Variants in CCDC178 observed in about 807,000 individuals in gnomAD.
CCDC178 encodes the protein coiled-coil domain containing 178.
In CCDC178, 126 loss-of-function variants were observed where a neutral mutation model predicts 117.4. The ratio of observed to expected loss-of-function variants is 1.07; its 90% confidence interval spans 0.93 to 1.24. The LOEUF (loss-of-function observed/expected upper bound fraction) is 1.24. Ranked by LOEUF, CCDC178 falls within the 50% of genes most tolerant of loss-of-function variation. The probability of loss-of-function intolerance (pLI) is 0.00; values close to 1 mark genes in which losing one functional copy is unlikely to be tolerated. For synonymous variants in CCDC178, 283 were observed against 313.4 expected, an observed-to-expected ratio of 0.90 and a Z score of 1.02; for missense variants, 1,030 against 986.9, an observed-to-expected ratio of 1.04 and a Z score of -0.59.
chr18:33,060,776 G>A (rs2056908715), intron 21 of CCDC178, among the ~76,000 whole-genome samples: 1 of 151,986 alleles, frequency 6.6e-6, no homozygotes, highest in African/African-American at 2.4e-5. Flanking sequence ...TAGAAAAATG[G>A]AATATTTCTC....
chr18:32,974,551 A>C lies in CCDC178; in HGVS notation c.2519T>G (p.Val840Gly). 6.2e-7 allele frequency: 1 copy of C among 1,613,400 alleles called. No homozygotes were observed. Among genetic ancestry groups the C allele is most frequent in the Non-Finnish European group, 8.5e-7 (1 of 1,179,702 alleles). ...TACTTCCCTGCAATCACCTACCTGC[A>C]CAGCTAATATTTTCTGAATACTCTC... ...SQESIQKILA[V>G]QEESSNLMQH... The change falls in exon 22 of 23, where the codon GTG (valine) becomes GGG (glycine). Residue 840 changes from valine (V) to glycine (G), a missense_variant. Val to Gly is a moderately radical substitution (Grantham distance 109, BLOSUM62 -3). Transcript: ENST00000383096.
rs976126381 is a variant in CCDC178 at position 33,011,786 on chromosome 18, A to T, written c.2389-37105T>A. Among the ~76,000 whole-genome samples the T allele has an allele frequency of 3.2e-3, 377 of 116,044 alleles. 2 individuals are homozygous for T. The highest frequency in any genetic ancestry group is 0.011 in the African/African-American group (294 of 27,414). The allele number at this position is 116,044 out of a possible 152,430, so 76.1% of individuals were successfully genotyped here. ...AGAATGCAAAAAAAAAAAAAAAAAAAAAAAAAAAAAAAAAAAAAAAAAGGA... is the reference window on the plus strand; with the variant it reads ...AGAATGCAAAAAAAAAAAAAAAAAATAAAAAAAAAAAAAAAAAAAAAAGGA... On this transcript the variant is annotated intron_variant, in intron 21 of 22. Transcript: ENST00000383096.
chr18:33,082,616 T>C (rs1598862870), intron 21 of CCDC178, among the ~76,000 whole-genome samples: 1 of 152,164 alleles, frequency 6.6e-6, no homozygotes, highest in African/African-American at 2.4e-5. Context: ...GATGTAAGAA[T>C]CCTTTGAAAA....
At chr18:33,411,145 G>A (rs899627084) in intron 3 of CCDC178, among the ~76,000 whole-genome samples, 35 of 152,186 alleles carry the variant, frequency 2.3e-4, no homozygotes, top group African/African-American at 7.2e-4. Context: ...GAATGTTCAT[G>A]ATGCTGTATG....
chr18:33,227,548 GTGTGTGTGTA>G lies in CCDC178; in HGVS notation c.1594-703_1594-694del, dbSNP rs1361390239. Among the ~76,000 whole-genome samples, 519 of 89,284 alleles carry G rather than the reference GTGTGTGTGTA, an allele frequency of 5.8e-3. 6 individuals are homozygous for G. Among genetic ancestry groups the G allele is most frequent in the Admixed American group, 0.028 (186 of 6,680 alleles). 58.6% of individuals were successfully genotyped at this position (89,284 alleles called of 152,430 possible). A position where few individuals can be genotyped will look rare whatever the true frequency, so the allele number is the denominator to read the frequency against. ...GATATATGTATGTGTGTGTGTGTGT[GTGTGTGTGTA>G]TATATATATATATATATATATACAC... is the stretch of plus-strand genomic sequence containing the variant. On this transcript the variant is annotated intron_variant, in intron 15 of 22. Transcript: ENST00000383096.
intron 20 of CCDC178, among the ~76,000 whole-genome samples, chr18:33,207,372 C>T (rs141935803): frequency 1.1e-4 from 16 of 151,720 alleles, no homozygotes; most frequent in African/African-American, 1.9e-4. Context: ...AGCCAATTAA[C>T]GTATATTTAA....
intron 2 of CCDC178, among the ~76,000 whole-genome samples, chr18:33,419,199 C>T (rs112223631): frequency 3.3e-5 from 5 of 152,256 alleles, no homozygotes; most frequent in African/African-American, 1.2e-4. Flanking sequence ...AAAGGACACC[C>T]TCTTCAATAA....
At chr18:33,144,617 T>A (rs1261438558) in intron 20 of CCDC178, among the ~76,000 whole-genome samples, 6 of 152,156 alleles carry the variant, frequency 3.9e-5, no homozygotes, top group Non-Finnish European at 5.9e-5. Flanking sequence ...CCCTTCATAA[T>A]CTCCGTTCCT....
chr18:33,263,196 T>C (rs969714873), intron 14 of CCDC178, among the ~76,000 whole-genome samples: 1 of 152,236 alleles, frequency 6.6e-6, no homozygotes, highest in South Asian at 2.1e-4. Context: ...GCTCATGTAC[T>C]GCATAGCCTC....
At chr18:33,019,604 T>G (rs1314757348) in intron 21 of CCDC178, among the ~76,000 whole-genome samples, 1 of 152,142 alleles carries the variant, frequency 6.6e-6, no homozygotes, top group East Asian at 1.9e-4. Context: ...TATTGAGCTC[T>G]TATACCATTA....
chr18:33,433,158 T>G (rs922392177), intron 2 of CCDC178, among the ~76,000 whole-genome samples: 1 of 152,172 alleles, frequency 6.6e-6, no homozygotes, highest in Admixed American at 6.5e-5. Context: ...AGAGGATACA[T>G]CTAAAATTCT....
chr18:33,394,735 C>A (rs560689505), intron 4 of CCDC178, among the ~76,000 whole-genome samples: 1 of 150,852 alleles, frequency 6.6e-6, no homozygotes, highest in African/African-American at 2.4e-5. Flanking sequence ...TCCTAAAGCA[C>A]ATTATCTCCC....
At chr18:33,390,095 T>C (rs961323746) in intron 4 of CCDC178, among the ~76,000 whole-genome samples, 25 of 150,120 alleles carry the variant, frequency 1.7e-4, no homozygotes, top group African/African-American at 5.8e-4. Flanking sequence ...AAATCCTATA[T>C]AAGTTATGTA....
intron 20 of CCDC178, among the ~76,000 whole-genome samples, chr18:33,206,968 T>C (rs1006796605): frequency 1.3e-5 from 2 of 152,310 alleles, no homozygotes; most frequent in South Asian, 4.1e-4. Flanking sequence ...ATATCACCCT[T>C]TGAGTCTTGA....
intron 4 of CCDC178, among the ~76,000 whole-genome samples, chr18:33,393,715 T>C (rs2063593448): frequency 6.6e-6 from 1 of 152,150 alleles, no homozygotes; most frequent in Non-Finnish European, 1.5e-5. Flanking sequence ...CTACAGAGTA[T>C]TTATTTAAAT....
At chr18:33,296,670 C>T (rs1376592449) in intron 11 of CCDC178, among the ~76,000 whole-genome samples, 2 of 152,102 alleles carry the variant, frequency 1.3e-5, no homozygotes, top group Non-Finnish European at 2.9e-5. Context: ...CCCACATACT[C>T]AAATAGGGGA....
chr18:33,315,619 G>A (rs1217425412), intron 11 of CCDC178, among the ~76,000 whole-genome samples: 6 of 152,090 alleles, frequency 3.9e-5, no homozygotes, highest in African/African-American at 1.4e-4. Context: ...GACTAGCTAG[G>A]GAAAAAATTC....
Position 33,029,480 on chromosome 18 carries a change from T to C in CCDC178, c.2389-54799A>G, listed in dbSNP as rs74816590. ...GTTTTTTGATTTCACTGTTTTTCCTTTGTTATTTTTCTATTCTCTATCTCA... is the reference window on the plus strand; with the variant it reads ...GTTTTTTGATTTCACTGTTTTTCCTCTGTTATTTTTCTATTCTCTATCTCA... On this transcript the variant is annotated intron_variant, in intron 21 of 22. Coordinates refer to ENST00000383096, the MANE Select transcript of CCDC178 (RefSeq NM_001105528.4). Among the ~76,000 whole-genome samples the C allele has an allele frequency of 3.9e-3, 593 of 152,072 alleles. 9 individuals carry two copies. Among genetic ancestry groups the C allele is most frequent in the Admixed American group, 0.029 (445 of 15,248 alleles).
intron 21 of CCDC178, among the ~76,000 whole-genome samples, chr18:32,993,422 T>G (rs1292249615): frequency 6.6e-6 from 1 of 151,528 alleles, no homozygotes; most frequent in Non-Finnish European, 1.5e-5. Context: ...TGCATATAAT[T>G]AAAAATAAGT....
Sources: allele counts gnomAD v4.1 joint callset (sites outside exome capture counted in the v4.1 genomes callset), GRCh38; gene constraint gnomAD v4.1.1; transcripts MANE v1.5; gene names NCBI Gene and HGNC (gene_info 2026-07-23, HGNC 2026-07-21).